The following GORAB variants were observed in gnomAD, a reference collection of about 807,000 sequenced individuals.
The protein encoded by GORAB is golgin, RAB6 interacting.
Under a neutral mutation model 29.9 loss-of-function variants are expected in GORAB, and 17 were observed. That is an observed-to-expected ratio of 0.57 (90% CI 0.39 to 0.85). The LOEUF is 0.85. GORAB is among the 40% of genes least tolerant of loss of function. The probability of loss-of-function intolerance (pLI) is 0.00; values close to 1 mark genes in which losing one functional copy is unlikely to be tolerated. For synonymous variants in GORAB, 183 were observed against 157.2 expected, an observed-to-expected ratio of 1.16 and a Z score of -1.23; for missense variants, 442 against 437.8, an observed-to-expected ratio of 1.01 and a Z score of -0.09.
chr1:170,548,777 A>T (rs1264993193), intron 4 of GORAB, among the ~76,000 whole-genome samples: 1 of 152,212 alleles, frequency 6.6e-6, no homozygotes, highest in African/African-American at 2.4e-5. Flanking sequence ...TCCTAGGATG[A>T]TGAAATGGCA....
At position 170,553,280 on chromosome 1, in the gene GORAB, A is replaced by G. The variant is rs886045558; in HGVS notation, c.*818A>G. On this transcript the variant is annotated 3_prime_UTR_variant, in exon 5 of 5. Transcript: ENST00000367763. ...ATGTATTTTCTTTCTAAAGTTATCT[A>G]TAAATATGTTTTTGATATGTTGGAC... 8 of 451,108 alleles carry G rather than the reference A, an allele frequency of 1.8e-5. No individual in the cohort carries two copies. Among genetic ancestry groups the G allele is most frequent in the Middle Eastern group, 7.0e-4 (1 of 1,436 alleles). The allele number at this position is 451,108 out of a possible 1,614,324, so 27.9% of individuals were successfully genotyped here.
chr1:170,537,956 A>G (rs982783538), intron 1 of GORAB, among the ~76,000 whole-genome samples: 3 of 152,178 alleles, frequency 2.0e-5, no homozygotes, highest in African/African-American at 7.2e-5. Flanking sequence ...ACATTTTTTG[A>G]TGGTGTGAAT....
chr1:170,549,728 G>A (rs942016301), intron 4 of GORAB, among the ~76,000 whole-genome samples: 3 of 152,104 alleles, frequency 2.0e-5, no homozygotes, highest in African/African-American at 4.8e-5. Context: ...AACATAGAGG[G>A]TTATTGAAAG....
intron 2 of GORAB, among the ~76,000 whole-genome samples, chr1:170,542,151 A>G (rs1183486819): frequency 6.6e-6 from 1 of 152,244 alleles, no homozygotes; most frequent in African/African-American, 2.4e-5. Context: ...TCCATTCTGC[A>G]TATAATACAT....
intron 3 of GORAB, 49 bp from the exon 4 acceptor site, chr1:170,544,655 CA>C: frequency 6.6e-7 from 1 of 1,526,098 alleles, no homozygotes; most frequent in African/African-American, 1.4e-5. Flanking sequence ...TATATGGACA[CA>C]TGGTTTTAAA....
intron 4 of GORAB, among the ~76,000 whole-genome samples, chr1:170,550,465 A>T (rs2101832844): frequency 6.6e-6 from 1 of 152,322 alleles, no homozygotes; most frequent in Non-Finnish European, 1.5e-5. Flanking sequence ...TGATGACATG[A>T]CTATGAAATT....
rs755739007 is a variant in GORAB at position 170,552,635 on chromosome 1, CTG to C, written c.*175_*176del. 26 of 682,428 alleles carry C rather than the reference CTG, an allele frequency of 3.8e-5. No homozygotes were observed. Among genetic ancestry groups the C allele is most frequent in the Non-Finnish European group, 6.3e-5 (24 of 378,188 alleles). The allele number at this position is 682,428 out of a possible 1,614,324, so 42.3% of individuals were successfully genotyped here. ...ATTCTAAAATCCAAAATTATGATAA[CTG>C]TATTTCTAGGGGTATGTTTCACCTT... On this transcript the variant is annotated 3_prime_UTR_variant, in exon 5 of 5. Coordinates refer to ENST00000367763, the MANE Select transcript of GORAB (RefSeq NM_152281.3).
At chr1:170,547,705 G>C (rs1649847630) in intron 4 of GORAB, among the ~76,000 whole-genome samples, 1 of 152,104 alleles carries the variant, frequency 6.6e-6, no homozygotes, top group East Asian at 1.9e-4. Flanking sequence ...TAATAAGAAT[G>C]TAAGCATGGT....
chr1:170,532,199 T>C lies in GORAB; in HGVS notation c.-25T>C, dbSNP rs769657515. On this transcript the variant is annotated 5_prime_UTR_variant, in exon 1 of 5. Transcript: ENST00000367763. ...TCGCGGCTGCGAGATTTGGGCACTT[T>C]TGGGGGTGCCGGTGGCCCGGGCCGA... 4 of 1,613,720 alleles carry C rather than the reference T, an allele frequency of 2.5e-6. No homozygotes were observed. Among genetic ancestry groups the C allele is most frequent in the African/African-American group, 1.3e-5 (1 of 74,884 alleles).
At chr1:170,545,692 G>A in intron 4 of GORAB, 1 of 984,300 alleles carries the variant, frequency 1.0e-6, no homozygotes, top group African/African-American at 1.7e-5. Flanking sequence ...GCCTCATTAG[G>A]CCAGGGTAAA....
rs183105521 is a variant in GORAB, at chr1:170,534,588, A to G, written c.61+2304A>G. Among the ~76,000 whole-genome samples, 302 of 152,284 alleles carry G rather than the reference A, an allele frequency of 2.0e-3. 3 individuals are homozygous for G. Among genetic ancestry groups the G allele is most frequent in the African/African-American group, 7.0e-3 (290 of 41,562 alleles). On this transcript the variant is annotated intron_variant, in intron 1 of 4. Transcript: ENST00000367763. Reference sequence around the variant, plus strand: ...CCACATATATGGTGATGGTCTGGTAATATTATAATACCCTGTTTTTACTAT... The same window carrying G: ...CCACATATATGGTGATGGTCTGGTAGTATTATAATACCCTGTTTTTACTAT...
At chr1:170,541,056 T>G (rs1044402013) in intron 2 of GORAB, among the ~76,000 whole-genome samples, 1 of 151,768 alleles carries the variant, frequency 6.6e-6, no homozygotes, top group Non-Finnish European at 1.5e-5. Flanking sequence ...ACAAAAAAAT[T>G]AGCTGGGCGT....
chr1:170,533,309 T>C (rs1648830114), intron 1 of GORAB, among the ~76,000 whole-genome samples: 1 of 152,190 alleles, frequency 6.6e-6, no homozygotes, highest in South Asian at 2.1e-4. Context: ...GTAGATTATA[T>C]CGACTGGGGA....
chr1:170,547,015 T>G (rs1444676363), intron 4 of GORAB, among the ~76,000 whole-genome samples: 1 of 152,184 alleles, frequency 6.6e-6, no homozygotes, highest in Non-Finnish European at 1.5e-5. Context: ...GCCGAAGCTC[T>G]TGCGTTGAGT....
chr1:170,550,286 A>G (rs1016558749), intron 4 of GORAB, among the ~76,000 whole-genome samples: 5 of 152,192 alleles, frequency 3.3e-5, no homozygotes, highest in Non-Finnish European at 7.4e-5. Context: ...GAGCCGGGCA[A>G]ACCTATGTTC....
Position 170,542,373 on chromosome 1 carries a change from A to G in GORAB, c.420-118A>G, listed in dbSNP as rs1024508335. ...TAAGAGGACTTTTGAAAGAACATAT[A>G]CATAAATCTTCTTGATTAAATTTTA... On this transcript the variant is annotated intron_variant, in intron 2 of 4. Transcript: ENST00000367763. 11 of 666,606 alleles carry G rather than the reference A, an allele frequency of 1.7e-5. No homozygotes were observed. The African/African-American group carries it at 1.8e-4, about 11-fold the overall frequency. 41.3% of individuals were successfully genotyped at this position (666,606 alleles called of 1,614,324 possible).
chr1:170,535,911 T>G (rs988686602), intron 1 of GORAB, among the ~76,000 whole-genome samples: 2 of 152,104 alleles, frequency 1.3e-5, no homozygotes, highest in African/African-American at 4.8e-5. Context: ...CATTTCCATG[T>G]CTTAAGAAAT....
At chr1:170,532,408 G>A in intron 1 of GORAB, 124 bp downstream of exon 1, 1 of 1,051,630 alleles carries the variant, frequency 9.5e-7, no homozygotes, top group Non-Finnish European at 1.5e-6. Flanking sequence ...GGCGCTGTAA[G>A]TACGTGGACT....
At position 170,539,282 on chromosome 1, in the gene GORAB, T is replaced by A; in HGVS notation, c.134T>A (p.Val45Glu). 6.2e-7 allele frequency: 1 copy of A among 1,614,196 alleles called. No individual in the cohort carries two copies. The highest frequency in any genetic ancestry group is 8.5e-7 in the Non-Finnish European group (1 of 1,180,018). Residue 45 changes from valine (V) to glutamate (E), a missense_variant, in exon 2 of 5, where the codon GTA becomes GAA. Physicochemically the swap from Val to Glu is moderately radical, Grantham distance 121. Coordinates refer to ENST00000367763, the MANE Select transcript of GORAB (RefSeq NM_152281.3). ...CAACTTCAGCGAGAAAAAGCCCTTG[T>A]AGAGCAAAGCCAAAAACTTGGGCTT... Reference protein sequence around the residue: ...RQQLQREKALVEQSQKLGLQD... With the variant: ...RQQLQREKALEEQSQKLGLQD...
Sources: gnomAD v4.1 joint callset for allele counts (sites outside exome capture counted in the v4.1 genomes callset) on GRCh38, gnomAD v4.1.1 for gene constraint, MANE v1.5 for transcripts, NCBI Gene and HGNC (gene_info 2026-07-23, HGNC 2026-07-21) for gene names.